The following SMARCA2 variants were observed in gnomAD, a reference collection of about 807,000 sequenced individuals.
SMARCA2 encodes SWI/SNF related BAF chromatin remodeling complex subunit ATPase 2, also known as SWI/SNF-related matrix-associated actin-dependent regulator of chromatin subfamily A member 2.
A neutral mutation model predicts 199.8 loss-of-function variants in SMARCA2; 61 were observed. That is an observed-to-expected ratio of 0.31 (90% CI 0.25 to 0.38). SMARCA2 has a LOEUF of 0.38. Ranked by LOEUF, SMARCA2 falls within the 10% of genes least tolerant of loss-of-function variation. The pLI is 1.00. For synonymous variants in SMARCA2, 935 were observed against 732.0 expected (o/e 1.28, Z -4.48); for missense variants, 1,344 against 2,012.2 (o/e 0.67, Z 6.35).
chr9:2,142,204 A>T (rs1267848973), intron 27 of SMARCA2, among the ~76,000 whole-genome samples: 1 of 152,184 alleles, frequency 6.6e-6, no homozygotes, highest in Non-Finnish European at 1.5e-5. Context: ...GTGACACTGG[A>T]CAATCTTTTT....
chr9:2,051,924 T>C lies in SMARCA2; in HGVS notation c.1047-2673T>C, dbSNP rs118153018. On this transcript the variant is annotated intron_variant, in intron 5 of 33. Transcript: ENST00000349721. ...ATCATCTGTTGCTGTATCCAGAGAT[T>C]TGGGGCTACATAGATGTTGTAGAAA... Among the ~76,000 whole-genome samples the C allele has an allele frequency of 8.1e-3, 1,232 of 152,292 alleles. 12 individuals carry two copies. The highest frequency in any genetic ancestry group is 0.05 in the South Asian group (239 of 4,828).
Position 2,192,965 on chromosome 9 carries a change from C to G in SMARCA2, c.*226C>G. On this transcript the variant is annotated 3_prime_UTR_variant, in exon 34 of 34. Transcript: ENST00000349721. ...TGTGACCAAATGGGCCTCAAAGATTCAGATTGAAACAAACAAAAAGCTTTT... is the reference window on the plus strand; with the variant it reads ...TGTGACCAAATGGGCCTCAAAGATTGAGATTGAAACAAACAAAAAGCTTTT... 1 of 492,206 alleles carries G rather than the reference C, an allele frequency of 2.0e-6. No homozygotes were observed. The highest frequency in any genetic ancestry group is 3.8e-5 in the Admixed American group (1 of 26,078). The allele number at this position is 492,206 out of a possible 1,614,324, so 30.5% of individuals were successfully genotyped here.
chr9:2,121,091 T>G (rs996969262), intron 26 of SMARCA2, among the ~76,000 whole-genome samples: 4 of 152,168 alleles, frequency 2.6e-5, no homozygotes, highest in African/African-American at 9.7e-5. Flanking sequence ...CTCAAGACAC[T>G]GGAGAGGACA....
At chr9:2,063,247 C>T (rs571356647) in intron 9 of SMARCA2, among the ~76,000 whole-genome samples, 2 of 152,272 alleles carry the variant, frequency 1.3e-5, no homozygotes, top group East Asian at 1.9e-4. Context: ...GTCTCTTTTG[C>T]GGGGCTTTAA....
intron 27 of SMARCA2, among the ~76,000 whole-genome samples, chr9:2,134,710 A>C (rs1824119677): frequency 6.6e-6 from 1 of 152,170 alleles, no homozygotes; most frequent in Non-Finnish European, 1.5e-5. Context: ...TTGAAATCCT[A>C]ACCCCCAATG....
chr9:2,129,242 C>A (rs1187442237), intron 27 of SMARCA2, among the ~76,000 whole-genome samples: 1 of 152,080 alleles, frequency 6.6e-6, no homozygotes. Context: ...CACGGTGAAA[C>A]CCCATCTCTA....
In SMARCA2 at chr9:2,056,606, GA is replaced by G. The variant is rs1820365489; in HGVS notation, c.1174-64del. The stretch of plus-strand genomic sequence containing the variant: ...TCTATTCCATTAAATGCAACCGCGA[GA>G]AGGCCAGAGTTCAGGAACCTAGCTT... On this transcript the variant is annotated intron_variant, in intron 6 of 33. Transcript: ENST00000349721. This position sits in a 1 kb window ranked among gnomAD's most constrained non-coding sequence, Gnocchi z 4.0. 1 of 1,461,782 alleles carries G rather than the reference GA, an allele frequency of 6.8e-7. No homozygotes were observed. Among genetic ancestry groups the G allele is most frequent in the Admixed American group, 2.2e-5 (1 of 44,668 alleles). 90.6% of individuals were successfully genotyped at this position (1,461,782 alleles called of 1,614,324 possible). A position where few individuals can be genotyped will look rare whatever the true frequency, so the allele number is the denominator to read the frequency against.
At chr9:2,018,867 T>A (rs1214573331) in intron 1 of SMARCA2, among the ~76,000 whole-genome samples, 2 of 152,238 alleles carry the variant, frequency 1.3e-5, no homozygotes, top group Non-Finnish European at 2.9e-5. Flanking sequence ...AGAAGCTTGT[T>A]GGCCAGCATT....
intron 28 of SMARCA2, among the ~76,000 whole-genome samples, chr9:2,168,599 A>G (rs1273332777): frequency 6.6e-6 from 1 of 152,190 alleles, no homozygotes; most frequent in Non-Finnish European, 1.5e-5. Context: ...GCTTTCCCAC[A>G]CTGATTATCA....
chr9:2,052,882 G>C (rs1820185135), intron 5 of SMARCA2, among the ~76,000 whole-genome samples: 1 of 152,160 alleles, frequency 6.6e-6, no homozygotes, highest in Non-Finnish European at 1.5e-5. Flanking sequence ...GACAGAACCA[G>C]AAGTTAGAAA....
At chr9:2,124,077 A>T in intron 27 of SMARCA2, 140 bp downstream of exon 27, 1 of 713,566 alleles carries the variant, frequency 1.4e-6, no homozygotes, top group Non-Finnish European at 2.5e-6. Context: ...ACAGAAGATA[A>T]AGTCATTCTG....
At chr9:2,160,059 GC>G in intron 27 of SMARCA2, 1 of 944,734 alleles carries the variant, frequency 1.1e-6, no homozygotes, top group Non-Finnish European at 1.6e-6. Context: ...ACTGTTGACA[GC>G]CTTGCATGCT....
chr9:2,176,290 A>T (rs991624992), intron 29 of SMARCA2, among the ~76,000 whole-genome samples: 5 of 150,610 alleles, frequency 3.3e-5, no homozygotes, highest in Admixed American at 6.6e-5. Flanking sequence ...CACAACTGTT[A>T]AACGTTTTGG....
At position 2,074,723 on chromosome 9, in the gene SMARCA2, G is replaced by C. The variant is rs191261812; in HGVS notation, c.1935+1100G>C. Among the ~76,000 whole-genome samples, 370 of 152,142 alleles carry C rather than the reference G, an allele frequency of 2.4e-3. 2 individuals carry two copies. Among genetic ancestry groups the C allele is most frequent in the African/African-American group, 8.4e-3 (347 of 41,518 alleles). ...TTCTACAAAAAACACAAAAATCAGC[G>C]GGGCGTGGTGACGCATGCCCGCAGT... On this transcript the variant is annotated intron_variant, in intron 12 of 33. Coordinates refer to ENST00000349721, the MANE Select transcript of SMARCA2 (RefSeq NM_003070.5).
At chr9:2,048,538 CT>C (rs1231126841) in intron 5 of SMARCA2, among the ~76,000 whole-genome samples, 4 of 152,118 alleles carry the variant, frequency 2.6e-5, no homozygotes, top group Non-Finnish European at 5.9e-5. Context: ...TCTGGGCTTC[CT>C]TTTAAAAGGT....
chr9:2,098,546 A>G (rs905550937), intron 21 of SMARCA2, among the ~76,000 whole-genome samples: 1 of 152,174 alleles, frequency 6.6e-6, no homozygotes, highest in Non-Finnish European at 1.5e-5. Context: ...TGGGGAGTGT[A>G]CCCATAGACA....
intron 12 of SMARCA2, among the ~76,000 whole-genome samples, chr9:2,074,330 C>A (rs1321520995): frequency 6.6e-6 from 1 of 152,016 alleles, no homozygotes; most frequent in Non-Finnish European, 1.5e-5. Flanking sequence ...ATTTGCTCTC[C>A]TTTATTAGAG....
intron 27 of SMARCA2, chr9:2,159,741 A>G: frequency 6.5e-7 from 1 of 1,535,560 alleles, no homozygotes; most frequent in South Asian, 1.2e-5. Context: ...TCAGTATTAA[A>G]TTTTCAGTAA....
chr9:2,164,185 C>T (rs937247664), intron 28 of SMARCA2, among the ~76,000 whole-genome samples: 3 of 152,204 alleles, frequency 2.0e-5, no homozygotes, highest in African/African-American at 7.2e-5. Flanking sequence ...TTTGTATTAC[C>T]TGCTGGCTCC....
Sources: gnomAD v4.1 joint callset for allele counts (sites outside exome capture counted in the v4.1 genomes callset) on GRCh38, gnomAD v4.1.1 for gene constraint, Gnocchi (gnomAD v3.1) non-coding constraint, MANE v1.5 for transcripts, NCBI Gene and HGNC (gene_info 2026-07-23, HGNC 2026-07-21) for gene names.